FGF14: variants seen among roughly 807,000 people sequenced by gnomAD.
FGF14 encodes the protein fibroblast growth factor homologous factor 4.
FGF14 carries 5 observed loss-of-function variants against 25.5 expected under a neutral mutation model. The observed-to-expected ratio is 0.20, with a 90% CI of 0.10 to 0.41. The LOEUF is 0.41. Ranked by LOEUF, FGF14 falls within the 10% of genes least tolerant of loss-of-function variation. The pLI is 1.00. For synonymous variants in FGF14, 138 were observed against 118.3 expected (o/e 1.17, Z -1.08); for missense variants, 222 against 320.1 (o/e 0.69, Z 2.34).
At chr13:102,155,224 C>G (rs1215648681) in intron 1 of FGF14, among the ~76,000 whole-genome samples, 1 of 152,224 alleles carries the variant, frequency 6.6e-6, no homozygotes, top group East Asian at 1.9e-4. Flanking sequence ...TTTTCAGCAC[C>G]ACACTACACC....
chr13:102,016,844 G>A, intron 1 of FGF14: 1 of 152,378 alleles, frequency 6.6e-6, no homozygotes, highest in Non-Finnish European at 1.5e-5. Context: ...CTCTGTTACT[G>A]CCCCCTCCTG....
chr13:102,063,864 T>C (rs574739769), intron 1 of FGF14, among the ~76,000 whole-genome samples: 1 of 152,158 alleles, frequency 6.6e-6, no homozygotes, highest in South Asian at 2.1e-4. Flanking sequence ...TAATATATTA[T>C]GTCAACAATG....
At chr13:102,305,188 T>C (rs1200939906) in intron 1 of FGF14, among the ~76,000 whole-genome samples, 1 of 152,182 alleles carries the variant, frequency 6.6e-6, no homozygotes, top group Non-Finnish European at 1.5e-5. Flanking sequence ...GTTTTTATTA[T>C]GAGTCTTTAT....
intron 1 of FGF14, among the ~76,000 whole-genome samples, chr13:102,219,998 A>C (rs1364366738): frequency 6.6e-6 from 1 of 152,160 alleles, no homozygotes; most frequent in African/African-American, 2.4e-5. Flanking sequence ...TAATAATTCC[A>C]TATAATGTAG....
intron 1 of FGF14, among the ~76,000 whole-genome samples, chr13:102,189,010 G>GAAAGAA: frequency 1.5e-5 from 1 of 68,840 alleles, no homozygotes; most frequent in Non-Finnish European, 2.9e-5. Context: ...GAAAGAAAGA[G>GAAAGAA]AAAGAATGAA....
chr13:102,031,343 T>C (rs974264069), intron 1 of FGF14, among the ~76,000 whole-genome samples: 1 of 152,138 alleles, frequency 6.6e-6, no homozygotes, highest in Non-Finnish European at 1.5e-5. Flanking sequence ...CACCATTTAT[T>C]CCTCACAACG....
At chr13:102,086,979 T>G (rs959298989) in intron 1 of FGF14, among the ~76,000 whole-genome samples, 6 of 152,206 alleles carry the variant, frequency 3.9e-5, no homozygotes, top group African/African-American at 1.4e-4. Flanking sequence ...TCAGCTGATC[T>G]TTCTGTATTA....
At chr13:102,342,004 A>G (rs1175991276) in intron 1 of FGF14, among the ~76,000 whole-genome samples, 1 of 152,196 alleles carries the variant, frequency 6.6e-6, no homozygotes, top group Non-Finnish European at 1.5e-5. Flanking sequence ...CATCAACACA[A>G]GTAATAACAG....
chr13:101,715,914 G>A lies in FGF14; in HGVS notation c.*6917C>T. On this transcript the variant is annotated 3_prime_UTR_variant, in exon 5 of 5. Coordinates refer to ENST00000376143, the MANE Select transcript of FGF14 (RefSeq NM_004115.4). Reference sequence around the variant, plus strand: ...ACGAGAGCAATTTTTCCACCCAAAAGTCATTTGGCAACATCTACAGACAAT... The same window carrying A: ...ACGAGAGCAATTTTTCCACCCAAAAATCATTTGGCAACATCTACAGACAAT... 1 of 380,472 alleles carries A rather than the reference G, an allele frequency of 2.6e-6. No individual in the cohort carries two copies. Among genetic ancestry groups the A allele is most frequent in the Non-Finnish European group, 4.9e-6 (1 of 205,122 alleles). 23.6% of individuals were successfully genotyped at this position (380,472 alleles called of 1,614,324 possible).
At chr13:101,751,018 G>T (rs1406374336) in intron 3 of FGF14, among the ~76,000 whole-genome samples, 2 of 152,008 alleles carry the variant, frequency 1.3e-5, no homozygotes, top group African/African-American at 4.8e-5. Context: ...GGTTGCCAAG[G>T]TCTAGAGGAG....
intron 3 of FGF14, among the ~76,000 whole-genome samples, chr13:101,855,802 G>A (rs532042022): frequency 2.0e-5 from 3 of 151,746 alleles, no homozygotes; most frequent in African/African-American, 4.8e-5. Flanking sequence ...TTAAACAACC[G>A]CATATTGCTG....
intron 1 of FGF14, among the ~76,000 whole-genome samples, chr13:102,385,054 A>G (rs867889668): frequency 6.6e-6 from 1 of 152,248 alleles, no homozygotes; most frequent in Non-Finnish European, 1.5e-5. Flanking sequence ...AACCACATAC[A>G]ATAGAAATCA....
chr13:102,254,833 C>T (rs556935952), intron 1 of FGF14, among the ~76,000 whole-genome samples: 1 of 152,196 alleles, frequency 6.6e-6, no homozygotes, highest in Non-Finnish European at 1.5e-5. Flanking sequence ...ACTGACATAG[C>T]TGAAGTCCTG....
At chr13:102,323,764 A>G (rs1431706670) in intron 1 of FGF14, among the ~76,000 whole-genome samples, 1 of 152,190 alleles carries the variant, frequency 6.6e-6, no homozygotes, top group Admixed American at 6.5e-5. Context: ...ACCTCCTAGT[A>G]GCAATAAAAT....
chr13:102,278,320 G>C (rs1463323902), intron 1 of FGF14, among the ~76,000 whole-genome samples: 1 of 152,162 alleles, frequency 6.6e-6, no homozygotes, highest in Non-Finnish European at 1.5e-5. Context: ...CTGAGGCTCA[G>C]GGTTGCCCTT....
chr13:101,743,153 C>T (rs976504231), intron 3 of FGF14, among the ~76,000 whole-genome samples: 19 of 152,200 alleles, frequency 1.2e-4, no homozygotes, highest in Admixed American at 1.0e-3. Flanking sequence ...CCCCAACCTT[C>T]TTGGGCACAT....
At chr13:102,392,908 G>A (rs924202536) in intron 1 of FGF14, among the ~76,000 whole-genome samples, 1 of 152,092 alleles carries the variant, frequency 6.6e-6, no homozygotes, top group Admixed American at 6.5e-5. Flanking sequence ...TGTCTAAAGG[G>A]TAGATATGAT....
intron 1 of FGF14, among the ~76,000 whole-genome samples, chr13:102,100,546 TGATCA>T (rs1336980963): frequency 2.0e-5 from 3 of 152,184 alleles, no homozygotes; most frequent in Admixed American, 6.5e-5. Context: ...CAGTGACCAA[TGATCA>T]GAACTATCTG....
intron 1 of FGF14, among the ~76,000 whole-genome samples, chr13:102,116,426 C>A (rs999042848): frequency 1.3e-5 from 2 of 151,830 alleles, no homozygotes; most frequent in Non-Finnish European, 2.9e-5. Context: ...ATTCTATATA[C>A]AATAAATTAT....
Sources: gnomAD v4.1 joint callset for allele counts (sites outside exome capture counted in the v4.1 genomes callset) on GRCh38, gnomAD v4.1.1 for gene constraint, MANE v1.5 for transcripts, NCBI Gene and HGNC (gene_info 2026-07-23, HGNC 2026-07-21) for gene names.